RLF: variants seen among roughly 807,000 people sequenced by gnomAD.
RLF encodes the protein RLF zinc finger.
In RLF, 7 loss-of-function variants were observed where a neutral mutation model predicts 162.9. That is an observed-to-expected ratio of 0.04 (90% CI 0.02 to 0.08). RLF has a LOEUF of 0.08. RLF is among the 10% of genes least tolerant of loss of function. The pLI is 1.00. For missense variants in RLF, 1,664 were observed against 2,244.7 expected (o/e 0.74, Z 5.23); for synonymous variants, 782 against 791.5 (o/e 0.99, Z 0.20).
At chr1:40,209,915 A>G (rs1642845702) in intron 5 of RLF, among the ~76,000 whole-genome samples, 1 of 151,588 alleles carries the variant, frequency 6.6e-6, no homozygotes, top group Non-Finnish European at 1.5e-5. Context: ...GAGACCAACT[A>G]TAAACCTGTA....
chr1:40,218,299 A>G (rs769822847), intron 5 of RLF, among the ~76,000 whole-genome samples: 3 of 152,114 alleles, frequency 2.0e-5, no homozygotes, highest in Admixed American at 1.3e-4. Flanking sequence ...TCTGAGGGCA[A>G]AAGCCTCATT....
intron 1 of RLF, among the ~76,000 whole-genome samples, chr1:40,167,752 A>G (rs939607618): frequency 8.1e-5 from 12 of 147,492 alleles, no homozygotes; most frequent in South Asian, 2.2e-4. Flanking sequence ...CGTCTCCCCA[A>G]CTGGGATGTA....
At chr1:40,231,736 C>T (rs1023050023) in intron 7 of RLF, 78 bp downstream of exon 7, 5 of 1,316,618 alleles carry the variant, frequency 3.8e-6, no homozygotes, top group Admixed American at 4.8e-5. Flanking sequence ...CAGGAAATTC[C>T]CTTTAAAGGA....
At chr1:40,173,377 A>G (rs1330205914) in intron 1 of RLF, among the ~76,000 whole-genome samples, 1 of 152,028 alleles carries the variant, frequency 6.6e-6, no homozygotes, top group Non-Finnish European at 1.5e-5. Flanking sequence ...CGCCTGGCCT[A>G]CATTCAGGTA....
At chr1:40,234,916 G>C (rs187819423) in intron 7 of RLF, among the ~76,000 whole-genome samples, 3 of 152,148 alleles carry the variant, frequency 2.0e-5, no homozygotes, top group East Asian at 3.9e-4. Context: ...TCTGATTTCT[G>C]TTTTTTCCCT....
chr1:40,224,604 C>CT (rs1643040568), intron 6 of RLF, among the ~76,000 whole-genome samples: 1 of 81,944 alleles, frequency 1.2e-5, no homozygotes, highest in Non-Finnish European at 2.5e-5. Context: ...TTTTTTTCCC[C>CT]TTCCATTGTT....
At chr1:40,224,975 CAAAAACA>C (rs1039368573) in intron 6 of RLF, among the ~76,000 whole-genome samples, 28 of 151,454 alleles carry the variant, frequency 1.8e-4, no homozygotes, top group South Asian at 1.5e-3. Flanking sequence ...GACTCCGTCT[CAAAAACA>C]AAAAACAAAA....
chr1:40,176,079 C>T (rs1642321678), intron 1 of RLF, among the ~76,000 whole-genome samples: 1 of 151,962 alleles, frequency 6.6e-6, no homozygotes, highest in South Asian at 2.1e-4. Flanking sequence ...TTGTATATAT[C>T]AGTAGTTTAT....
chr1:40,213,113 T>C (rs1318289646), intron 5 of RLF, among the ~76,000 whole-genome samples: 4 of 152,176 alleles, frequency 2.6e-5, no homozygotes, highest in Non-Finnish European at 5.9e-5. Flanking sequence ...GATAATACAC[T>C]CAGAATACAC....
intron 6 of RLF, among the ~76,000 whole-genome samples, chr1:40,230,583 C>T (rs1643140502): frequency 6.6e-6 from 1 of 152,126 alleles, no homozygotes; most frequent in African/African-American, 2.4e-5. Context: ...CAGGCATCCA[C>T]CACCACACTC....
At chr1:40,181,287 AG>A (rs1642401801) in intron 1 of RLF, among the ~76,000 whole-genome samples, 1 of 152,158 alleles carries the variant, frequency 6.6e-6, no homozygotes, top group Non-Finnish European at 1.5e-5. Context: ...AAAATTAGCC[AG>A]GTGTGGTGGC....
chr1:40,171,565 A>G (rs1382623837), intron 1 of RLF, among the ~76,000 whole-genome samples: 2 of 152,212 alleles, frequency 1.3e-5, no homozygotes, highest in African/African-American at 4.8e-5. Context: ...AAAGTATCCT[A>G]AAGTAATAAA....
At chr1:40,194,999 A>C (rs1229219245) in intron 3 of RLF, among the ~76,000 whole-genome samples, 3 of 48,410 alleles carry the variant, frequency 6.2e-5, no homozygotes, top group Admixed American at 3.3e-4. Flanking sequence ...ACGCCCGGCT[A>C]ATTTTTTGTA....
At chr1:40,182,600 TTTGAAAA>T (rs1642418220) in intron 1 of RLF, among the ~76,000 whole-genome samples, 1 of 152,140 alleles carries the variant, frequency 6.6e-6, no homozygotes, top group African/African-American at 2.4e-5. Flanking sequence ...AAAAGGCATT[TTTGAAAA>T]TTGAAAATGA....
intron 1 of RLF, among the ~76,000 whole-genome samples, chr1:40,172,646 G>T (rs1642261193): frequency 6.6e-6 from 1 of 152,004 alleles, no homozygotes; most frequent in African/African-American, 2.4e-5. Context: ...TCAGCAGGTA[G>T]TCCCAGCTAC....
At chr1:40,176,016 C>G (rs1642320840) in intron 1 of RLF, among the ~76,000 whole-genome samples, 2 of 152,088 alleles carry the variant, frequency 1.3e-5, no homozygotes, top group Non-Finnish European at 2.9e-5. Flanking sequence ...ATACTATAAT[C>G]ATATAGTCTC....
chr1:40,176,250 G>C (rs954826845), intron 1 of RLF, among the ~76,000 whole-genome samples: 2 of 152,030 alleles, frequency 1.3e-5, no homozygotes, highest in African/African-American at 4.8e-5. Flanking sequence ...CTTTTCTTTT[G>C]GGTAAACACC....
At chr1:40,195,507 G>C (rs1490752564) in intron 3 of RLF, 125 bp from the exon 4 acceptor site, 12 of 707,108 alleles carry the variant, frequency 1.7e-5, no homozygotes, top group Non-Finnish European at 2.7e-5. Context: ...AGTCTTTTTT[G>C]GTTACTTATT....
At chr1:40,184,857 G>A (rs966672100) in intron 1 of RLF, among the ~76,000 whole-genome samples, 2 of 152,090 alleles carry the variant, frequency 1.3e-5, no homozygotes, top group Non-Finnish European at 2.9e-5. Context: ...CATTAATTTG[G>A]TCACTGTAGA....
Sources: allele counts gnomAD v4.1 joint callset (sites outside exome capture counted in the v4.1 genomes callset), GRCh38; gene constraint gnomAD v4.1.1; transcripts MANE v1.5; gene names NCBI Gene and HGNC (gene_info 2026-07-23, HGNC 2026-07-21).